The following ZNF746 variants were observed in gnomAD, a reference collection of about 807,000 sequenced individuals.
The protein encoded by ZNF746 is zinc finger protein 746, also known as parkin-interacting substrate.
A neutral mutation model predicts 41.0 loss-of-function variants in ZNF746; 13 were observed. That is an observed-to-expected ratio of 0.32 (90% confidence interval 0.21 to 0.50). ZNF746 has a LOEUF of 0.50. Among genes scored for constraint, ZNF746 ranks in the 20% least tolerant of loss-of-function variants. The pLI is 0.98. For synonymous variants in ZNF746, 424 were observed against 396.2 expected, an observed-to-expected ratio of 1.07 and a Z score of -0.83; for missense variants, 811 against 922.9, an observed-to-expected ratio of 0.88 and a Z score of 1.57.
chr7:149,483,581 T>C (rs1391688646), intron 4 of ZNF746, among the ~76,000 whole-genome samples: 1 of 151,334 alleles, frequency 6.6e-6, no homozygotes, highest in Non-Finnish European at 1.5e-5. Context: ...TACTCCAGCC[T>C]GGCGACAGAG....
intron 4 of ZNF746, among the ~76,000 whole-genome samples, chr7:149,480,856 A>G (rs1800464969): frequency 1.3e-5 from 2 of 152,358 alleles, no homozygotes; most frequent in South Asian, 2.1e-4. Context: ...ATAGAGACTG[A>G]GCTAAAAATA....
Position 149,473,137 on chromosome 7 carries a change from C to A in ZNF746, c.*1247G>T, listed in dbSNP as rs1800153814. On this transcript the variant is annotated 3_prime_UTR_variant, in exon 7 of 7. Coordinates refer to ENST00000458143, the MANE Select transcript of ZNF746 (RefSeq NM_001394198.1). ...GAACAAGCCACTTGGCCCCCAAACC[C>A]AGCCTCGCGAGCTGTGCCCTCTGAG... The A allele has an allele frequency of 6.6e-6, 1 of 152,098 alleles. No individual in the cohort carries two copies. The highest frequency in any genetic ancestry group is 2.1e-4 in the South Asian group (1 of 4,818). 9.4% of individuals were successfully genotyped at this position (152,098 alleles called of 1,614,324 possible).
rs1800194180 is a variant in ZNF746 at position 149,474,126 on chromosome 7, AAACAAAAAAC to A, written c.*248_*257del. ...TCCTCAAGAATTAAAAAAAAACAAA[AAACAAAAAAC>A]AAAACAGGTTTGCAATTAAATTACT... On this transcript the variant is annotated 3_prime_UTR_variant, in exon 7 of 7. Transcript: ENST00000458143. This position sits in a 1 kb window ranked among gnomAD's most constrained non-coding sequence, Gnocchi z 6.3. 1 of 520,922 alleles carries A rather than the reference AAACAAAAAAC, an allele frequency of 1.9e-6. No individual in the cohort carries two copies. The highest frequency in any genetic ancestry group is 1.9e-5 in the African/African-American group (1 of 51,490). 32.3% of individuals were successfully genotyped at this position (520,922 alleles called of 1,614,324 possible).
chr7:149,474,334 A>G lies in ZNF746; in HGVS notation c.*50T>C. The G allele has an allele frequency of 1.3e-6, 2 of 1,558,392 alleles. No individual in the cohort carries two copies. The highest frequency in any genetic ancestry group is 1.7e-6 in the Non-Finnish European group (2 of 1,151,472). On this transcript the variant is annotated 3_prime_UTR_variant, in exon 7 of 7. Transcript: ENST00000458143. The surrounding 1 kb of genome is among the most constrained non-coding windows in gnomAD (Gnocchi z 6.3). ...TTCCACGCCGCCCTGCTGCCTGCACACGGGGCTTTTTACACGTGCGGCCGG... is the reference window on the plus strand; with the variant it reads ...TTCCACGCCGCCCTGCTGCCTGCACGCGGGGCTTTTTACACGTGCGGCCGG...
rs112340925 is a variant in ZNF746 at position 149,493,351 on chromosome 7, A to C, written c.452-379T>G. On this transcript the variant is annotated intron_variant, in intron 3 of 6. Transcript: ENST00000458143. ...AGCAGTGCACTTGTGCTGACGAAAC[A>C]ACCTCACGTCTGCACCTGCTCCTGC... Among the ~76,000 whole-genome samples, 2,423 of 152,274 alleles carry C rather than the reference A, an allele frequency of 0.016. 127 individuals carry two copies. In the East Asian group the frequency reaches 0.19, roughly 12 times the overall value.
At chr7:149,487,095 A>G (rs2116666268) in intron 4 of ZNF746, among the ~76,000 whole-genome samples, 1 of 152,254 alleles carries the variant, frequency 6.6e-6, no homozygotes, top group Admixed American at 6.5e-5. Flanking sequence ...GTCTAACAGC[A>G]GCGCGAACCC....
rs1800826148 is a variant in ZNF746 at position 149,492,079 on chromosome 7, C to T, written c.565+780G>A. 4.4e-6 allele frequency: 3 copies of T among 688,316 alleles called. No homozygotes were observed. The South Asian group carries it at 4.5e-5, about 10-fold the overall frequency. The allele number at this position is 688,316 out of a possible 1,614,324, so 42.6% of individuals were successfully genotyped here. On this transcript the variant is annotated intron_variant, in intron 4 of 6. Coordinates refer to ENST00000458143, the MANE Select transcript of ZNF746 (RefSeq NM_001394198.1). ...TTAAATTAAGGTTGGTTCTTGGAGG[C>T]AAGGCTGACTCTTTGCAAAGCTTTG...
chr7:149,477,132 T>C (rs1800331582), intron 5 of ZNF746, 85 bp from the exon 6 acceptor site: 1 of 1,469,232 alleles, frequency 6.8e-7, no homozygotes, highest in East Asian at 2.4e-5. Flanking sequence ...CAGGCTAAAC[T>C]CTGAGGTCCC....
Position 149,497,544 on chromosome 7 carries a change from C to G in ZNF746, c.-8G>C. The G allele has an allele frequency of 9.3e-7, 1 of 1,079,352 alleles. No homozygotes were observed. 66.9% of individuals were successfully genotyped at this position (1,079,352 alleles called of 1,614,324 possible). ...CGCGACCGCCTCGGCCATGGCCCTG[C>G]GCTGTCCCGCCCGGCCCGGAGGAAG... On this transcript the variant is annotated 5_prime_UTR_variant, in exon 1 of 7. Transcript: ENST00000458143. The surrounding 1 kb of genome is among the most constrained non-coding windows in gnomAD (Gnocchi z 4.2).
chr7:149,497,005 G>T lies in ZNF746; in HGVS notation c.24+508C>A. 3.0e-6 allele frequency: 3 copies of T among 985,404 alleles called. No homozygotes were observed. The highest frequency in any genetic ancestry group is 4.7e-5 in the South Asian group (1 of 21,286). 61.0% of individuals were successfully genotyped at this position (985,404 alleles called of 1,614,324 possible). ...AGGCTTGCTGTGAGGACAGACTAAC[G>T]CCTCAACAGGGCTTGTGGAAGTGCG... is the stretch of plus-strand genomic sequence containing the variant. On this transcript the variant is annotated intron_variant, in intron 1 of 6. Coordinates refer to ENST00000458143, the MANE Select transcript of ZNF746 (RefSeq NM_001394198.1). The surrounding 1 kb of genome is among the most constrained non-coding windows in gnomAD (Gnocchi z 4.2).
At chr7:149,487,462 A>C (rs895704750) in intron 4 of ZNF746, among the ~76,000 whole-genome samples, 1 of 152,242 alleles carries the variant, frequency 6.6e-6, no homozygotes, top group Non-Finnish European at 1.5e-5. Flanking sequence ...GGATGCTACT[A>C]TCACTGCTGC....
chr7:149,479,230 G>A (rs997303069), intron 4 of ZNF746, among the ~76,000 whole-genome samples: 3 of 152,314 alleles, frequency 2.0e-5, no homozygotes, highest in African/African-American at 7.2e-5. Flanking sequence ...CAACATTCAT[G>A]TGAAATGGAA....
intron 3 of ZNF746, 129 bp from the exon 4 acceptor site, chr7:149,493,101 G>A: frequency 1.5e-6 from 1 of 665,116 alleles, no homozygotes; most frequent in Non-Finnish European, 2.6e-6. Flanking sequence ...CTCAACCACA[G>A]GCAATTTTGC....
rs1800194421 is a variant in ZNF746, at chr7:149,474,133, A to G, written c.*251T>C. On this transcript the variant is annotated 3_prime_UTR_variant, in exon 7 of 7. Transcript: ENST00000458143. This position sits in a 1 kb window ranked among gnomAD's most constrained non-coding sequence, Gnocchi z 6.3. ...GAATTAAAAAAAAACAAAAAACAAA[A>G]AACAAAACAGGTTTGCAATTAAATT... 1 of 535,296 alleles carries G rather than the reference A, an allele frequency of 1.9e-6. No homozygotes were observed. Among genetic ancestry groups the G allele is most frequent in the East Asian group, 3.2e-5 (1 of 30,874 alleles). 33.2% of individuals were successfully genotyped at this position (535,296 alleles called of 1,614,324 possible).
intron 4 of ZNF746, chr7:149,489,065 C>A (rs1201488432): frequency 6.6e-6 from 1 of 152,086 alleles, no homozygotes; most frequent in South Asian, 2.1e-4. Context: ...AATATAATGA[C>A]ATCTATGTAA....
chr7:149,487,060 C>CT (rs1800648860), intron 4 of ZNF746, among the ~76,000 whole-genome samples: 1 of 152,162 alleles, frequency 6.6e-6, no homozygotes, highest in Admixed American at 6.5e-5. Flanking sequence ...GCTACGCCTC[C>CT]TGCCAGATCA....
Position 149,489,394 on chromosome 7 carries a change from T to C in ZNF746, c.565+3465A>G, listed in dbSNP as rs147874752. ...GGTAAAAATTTTTATACTTTTGAAA[T>C]TGACATTCTAATGGAGGAGACCTGA... On this transcript the variant is annotated intron_variant, in intron 4 of 6. Transcript: ENST00000458143. The C allele has an allele frequency of 3.3e-5, 5 of 152,272 alleles. No homozygotes were observed. The East Asian group carries it at 9.6e-4, about 29-fold the overall frequency. The allele number at this position is 152,272 out of a possible 1,614,324, so 9.4% of individuals were successfully genotyped here.
In ZNF746 at chr7:149,493,358, C is replaced by T. The variant is rs781068849; in HGVS notation, c.452-386G>A. Among the ~76,000 whole-genome samples, 5 of 152,214 alleles carry T rather than the reference C, an allele frequency of 3.3e-5. No homozygotes were observed. In the East Asian group the frequency reaches 7.7e-4, roughly 23 times the overall value. On this transcript the variant is annotated intron_variant, in intron 3 of 6. Coordinates refer to ENST00000458143, the MANE Select transcript of ZNF746 (RefSeq NM_001394198.1). ...CACTTGTGCTGACGAAACAACCTCA[C>T]GTCTGCACCTGCTCCTGCCCTCTCT...
rs150290553 is a variant in ZNF746 at position 149,493,144 on chromosome 7, A to G, written c.452-172T>C. Among the ~76,000 whole-genome samples, 1,181 of 152,280 alleles carry G rather than the reference A, an allele frequency of 7.8e-3. 8 individuals carry two copies. Among genetic ancestry groups the G allele is most frequent in the Non-Finnish European group, 0.014 (958 of 68,004 alleles). On this transcript the variant is annotated intron_variant, in intron 3 of 6. Coordinates refer to ENST00000458143, the MANE Select transcript of ZNF746 (RefSeq NM_001394198.1). ...GGGCATCTGGCAAAGTCTGGAGACA[A>G]TTCTGGTTGTCATGCCCAGGGCTGG...
Sources: allele counts gnomAD v4.1 joint callset (sites outside exome capture counted in the v4.1 genomes callset), GRCh38; gene constraint gnomAD v4.1.1; non-coding constraint Gnocchi (gnomAD v3.1); transcripts MANE v1.5; gene names NCBI Gene and HGNC (gene_info 2026-07-23, HGNC 2026-07-21).